The following AMN1 variants were observed in gnomAD, a reference collection of about 807,000 sequenced individuals.
AMN1 encodes the protein antagonist of mitotic exit network 1 homolog, also known as protein AMN1 homolog.
In AMN1, 20 loss-of-function variants were observed where a neutral mutation model predicts 33.0. That is an observed-to-expected ratio of 0.61 (90% CI 0.43 to 0.88). The LOEUF is 0.88. Ranked by LOEUF, AMN1 falls within the 40% of genes least tolerant of loss-of-function variation. AMN1 has a pLI of 0.00. For synonymous variants in AMN1, 114 were observed against 111.9 expected (o/e 1.02, Z -0.12); for missense variants, 246 against 307.4 (o/e 0.80, Z 1.49).
intron 1 of AMN1, chr12:31,714,474 GCAC>G (rs1043212881): frequency 1.3e-5 from 2 of 152,142 alleles, no homozygotes; most frequent in African/African-American, 4.8e-5. Context: ...CTACAGACAT[GCAC>G]CACCACAATC....
At chr12:31,695,944 T>C (rs997314271) in intron 5 of AMN1, among the ~76,000 whole-genome samples, 4 of 152,108 alleles carry the variant, frequency 2.6e-5, no homozygotes, top group Admixed American at 1.3e-4. Context: ...AGTTGGCTTT[T>C]TAAAAAATGT....
chr12:31,687,511 C>T lies in AMN1; in HGVS notation c.703+1496G>A, dbSNP rs756111857. ...TGGCCTGACCAGTATGGTGATACCC[C>T]GTCTCTACTAAAAATACAAAAATTA... is the stretch of plus-strand genomic sequence containing the variant. On this transcript the variant is annotated intron_variant, in intron 6 of 6. Transcript: ENST00000281471. This position sits in a 1 kb window ranked among gnomAD's most constrained non-coding sequence, Gnocchi z 4.1. 2.9e-4 allele frequency among the ~76,000 whole-genome samples: 44 copies of T among 151,884 alleles called. No homozygotes were observed. Among genetic ancestry groups the T allele is most frequent in the Non-Finnish European group, 5.7e-4 (39 of 67,932 alleles).
At chr12:31,691,446 G>C (rs962461159) in intron 5 of AMN1, among the ~76,000 whole-genome samples, 1 of 151,946 alleles carries the variant, frequency 6.6e-6, no homozygotes, top group Non-Finnish European at 1.5e-5. Context: ...CAACTTTTTA[G>C]GGTGATGAAA....
intron 6 of AMN1, among the ~76,000 whole-genome samples, chr12:31,676,714 G>T (rs1160873536): frequency 6.6e-6 from 1 of 151,590 alleles, no homozygotes; most frequent in Non-Finnish European, 1.5e-5. Context: ...TATAAAATTT[G>T]TCTTCTGTCT....
intron 1 of AMN1, among the ~76,000 whole-genome samples, chr12:31,715,103 A>G (rs1488547407): frequency 6.6e-6 from 1 of 152,250 alleles, no homozygotes; most frequent in Non-Finnish European, 1.5e-5. Context: ...GAAGTAGCAA[A>G]GATGCAACAA....
At chr12:31,675,375 A>C (rs904357495) in intron 6 of AMN1, among the ~76,000 whole-genome samples, 2 of 151,376 alleles carry the variant, frequency 1.3e-5, no homozygotes, top group African/African-American at 4.9e-5. Context: ...GAGTGTGTTC[A>C]CACCACTGCA....
At chr12:31,691,946 T>C (rs7954998) in intron 5 of AMN1, among the ~76,000 whole-genome samples, 149,914 of 152,190 alleles carry the variant, frequency 0.99, 73,887 homozygotes, top group Middle Eastern at 1. Context: ...GGAGCAGTCT[T>C]GGCTCATTGC....
intron 1 of AMN1, among the ~76,000 whole-genome samples, chr12:31,728,172 T>C (rs531552486): frequency 2.6e-5 from 4 of 152,218 alleles, no homozygotes; most frequent in African/African-American, 9.6e-5. Context: ...CTTCAGTAGA[T>C]TAAGGAGATT....
chr12:31,689,257 T>G (rs1356428007), intron 5 of AMN1, 139 bp from the exon 6 acceptor site: 4 of 624,700 alleles, frequency 6.4e-6, no homozygotes, highest in Non-Finnish European at 1.1e-5. Flanking sequence ...AAGACCAATA[T>G]AAGTCTGAAG....
chr12:31,728,962 T>C lies in AMN1; in HGVS notation c.38+9A>G, dbSNP rs1592183663. ...CGGCGCGAAGGGAGGCGGGACAGGG[T>C]AGACTCACAGATCCAGGAGCTGACT... On this transcript the variant is annotated intron_variant, in intron 1 of 6. Transcript: ENST00000281471. The C allele has an allele frequency of 1.3e-6, 2 of 1,544,664 alleles. No individual in the cohort carries two copies. Among genetic ancestry groups the C allele is most frequent in the Admixed American group, 2.0e-5 (1 of 50,802 alleles).
At chr12:31,726,554 A>C (rs1230450495) in intron 1 of AMN1, among the ~76,000 whole-genome samples, 6 of 152,250 alleles carry the variant, frequency 3.9e-5, no homozygotes, top group African/African-American at 1.4e-4. Context: ...GCAGTGTTAA[A>C]GTGCTGGTCA....
intron 6 of AMN1, among the ~76,000 whole-genome samples, chr12:31,686,666 A>G (rs181911960): frequency 6.6e-6 from 1 of 152,244 alleles, no homozygotes; most frequent in East Asian, 1.9e-4. Context: ...CACAAAGCCT[A>G]TTTTTTAATA....
intron 5 of AMN1, among the ~76,000 whole-genome samples, chr12:31,690,972 C>T (rs933924199): frequency 4.0e-5 from 6 of 151,798 alleles, no homozygotes; most frequent in Non-Finnish European, 5.9e-5. Flanking sequence ...CCCGTCTCTA[C>T]TAAAAATACA....
chr12:31,672,931 T>TA (rs1951313139), intron 6 of AMN1: 1 of 152,900 alleles, frequency 6.5e-6, no homozygotes. Flanking sequence ...ATAATACTAC[T>TA]ATAAAGCATG....
chr12:31,696,115 C>A (rs1163291865), intron 5 of AMN1, among the ~76,000 whole-genome samples: 1 of 151,812 alleles, frequency 6.6e-6, no homozygotes, highest in Non-Finnish European at 1.5e-5. Flanking sequence ...CACATGCCTG[C>A]AGTCCCAGCT....
chr12:31,714,530 G>A (rs1290042942), intron 1 of AMN1: 2 of 152,236 alleles, frequency 1.3e-5, no homozygotes, highest in Non-Finnish European at 2.9e-5. Context: ...GTCTCTATAT[G>A]TTGCCCAGGC....
intron 2 of AMN1, among the ~76,000 whole-genome samples, chr12:31,702,532 C>CATAGATTA (rs892416793): frequency 3.3e-5 from 5 of 151,862 alleles, no homozygotes; most frequent in African/African-American, 1.2e-4. Flanking sequence ...AATTCCTAAG[C>CATAGATTA]ATTCTGAGCT....
chr12:31,689,044 T>C lies in AMN1; in HGVS notation c.666A>G (p.Ile222Met). The change falls in exon 6 of 7, where the codon ATA becomes ATG. Residue 222 changes from isoleucine (I) to methionine (M), a missense_variant. Physicochemically the swap from Ile to Met is conservative, Grantham distance 10. Coordinates refer to ENST00000281471, the MANE Select transcript of AMN1 (RefSeq NM_001113402.2). ...VEAVLTYCPQ[I>M]RILLFHGCPL... ...GGCATCCATGGAAGAGTAATATACG[T>C]ATTTGAGGACAGTAAGTAAGGACAG... 6.2e-7 allele frequency: 1 copy of C among 1,613,616 alleles called. No homozygotes were observed. The highest frequency in any genetic ancestry group is 1.1e-5 in the South Asian group (1 of 91,012).
intron 1 of AMN1, among the ~76,000 whole-genome samples, chr12:31,717,891 GC>G (rs1939737780): frequency 6.6e-6 from 1 of 151,910 alleles, no homozygotes; most frequent in African/African-American, 2.4e-5. Context: ...CCCCCGACAG[GC>G]CCCAGTGTGT....
Sources: allele counts gnomAD v4.1 joint callset (sites outside exome capture counted in the v4.1 genomes callset), GRCh38; gene constraint gnomAD v4.1.1; non-coding constraint Gnocchi (gnomAD v3.1); transcripts MANE v1.5; gene names NCBI Gene and HGNC (gene_info 2026-07-23, HGNC 2026-07-21).